The following AIMP2 variants were observed in gnomAD, a reference collection of about 807,000 sequenced individuals.
AIMP2 encodes the protein aminoacyl tRNA synthetase complex interacting multifunctional protein 2, also known as aminoacyl tRNA synthase complex-interacting multifunctional protein 2.
In AIMP2, 20 loss-of-function variants were observed where a neutral mutation model predicts 23.4. The ratio of observed to expected loss-of-function variants is 0.85; its 90% confidence interval spans 0.60 to 1.24. The LOEUF (loss-of-function observed/expected upper bound fraction) is 1.24, where lower values mean the gene tolerates loss of function less well. AIMP2 is among the 50% of genes most tolerant of loss of function. AIMP2 has a pLI of 0.00. For synonymous variants in AIMP2, 210 were observed against 170.4 expected (o/e 1.23, Z -1.81); for missense variants, 515 against 414.5 (o/e 1.24, Z -2.10).
chr7:6,009,974 A>AAAATATACATATATAT lies in AIMP2; in HGVS notation c.135+477_135+478insAATATACATATATATA. 1.5e-4 allele frequency among the ~76,000 whole-genome samples: 4 copies of AAAATATACATATATAT among 26,664 alleles called. 1 individual carries two copies. Among genetic ancestry groups the AAAATATACATATATAT allele is most frequent in the Non-Finnish European group, 2.7e-4 (4 of 14,646 alleles). 17.5% of individuals were successfully genotyped at this position (26,664 alleles called of 152,430 possible). On this transcript the variant is annotated intron_variant, in intron 1 of 3. Transcript: ENST00000223029. ...CAAAAAAAAAAAAAAAAAAAAAAAA[A>AAAATATACATATATAT]ATATATATATATATATATGTATGTA...
chr7:6,020,347 G>C (rs572259868), intron 3 of AIMP2, among the ~76,000 whole-genome samples: 1 of 150,662 alleles, frequency 6.6e-6, no homozygotes, highest in Admixed American at 6.6e-5. Flanking sequence ...CTTGAACCCA[G>C]GAAGTGGAGG....
chr7:6,017,788 C>T (rs779780507), intron 2 of AIMP2, 26 bp from the exon 3 acceptor site: 16 of 1,595,074 alleles, frequency 1.0e-5, no homozygotes, highest in Non-Finnish European at 1.4e-5. Context: ...GACTGTTATT[C>T]GTACATTGTC....
At chr7:6,017,313 C>G (rs74219302) in intron 2 of AIMP2, among the ~76,000 whole-genome samples, 3 of 151,244 alleles carry the variant, frequency 2.0e-5, no homozygotes, top group Admixed American at 6.6e-5. Flanking sequence ...GTCAGGAGTT[C>G]GAGAACAGCC....
chr7:6,013,956 C>T (rs570506845), intron 1 of AIMP2, among the ~76,000 whole-genome samples: 1 of 141,576 alleles, frequency 7.1e-6, no homozygotes, highest in South Asian at 2.2e-4. Flanking sequence ...GTCTCCAGGA[C>T]AAAAAAAAAA....
At position 6,019,262 on chromosome 7, in the gene AIMP2, G is replaced by C. The variant is rs527960623; in HGVS notation, c.574+1217G>C. 4.8e-5 allele frequency among the ~76,000 whole-genome samples: 7 copies of C among 144,440 alleles called. No homozygotes were observed. In the South Asian group the frequency reaches 1.5e-3, roughly 30 times the overall value. The allele number at this position is 144,440 out of a possible 152,430, so 94.8% of individuals were successfully genotyped here. On this transcript the variant is annotated intron_variant, in intron 3 of 3. Coordinates refer to ENST00000223029, the MANE Select transcript of AIMP2 (RefSeq NM_006303.4). ...TGGGAGGCCGAGGCGGGCAGATCAC[G>C]AGGTCAGGATATCGAGACCATCCTG... is the stretch of plus-strand genomic sequence containing the variant.
chr7:6,010,759 A>G (rs12702467), intron 1 of AIMP2, among the ~76,000 whole-genome samples: 42,715 of 151,030 alleles, frequency 0.28, 6,607 homozygotes, highest in African/African-American at 0.4. Flanking sequence ...CCTAAACAAT[A>G]GTCTTCATAT....
At chr7:6,011,314 C>G (rs1786674593) in intron 1 of AIMP2, among the ~76,000 whole-genome samples, 1 of 152,198 alleles carries the variant, frequency 6.6e-6, no homozygotes, top group African/African-American at 2.4e-5. Context: ...CTGATGTTTG[C>G]ACCCTGCCCA....
intron 2 of AIMP2, among the ~76,000 whole-genome samples, chr7:6,017,377 G>T (rs961998973): frequency 2.6e-5 from 4 of 151,858 alleles, no homozygotes; most frequent in Admixed American, 2.0e-4. Flanking sequence ...AAAAAAATTA[G>T]CTGGGCATGG....
intron 2 of AIMP2, among the ~76,000 whole-genome samples, chr7:6,017,400 G>T (rs1055035020): frequency 2.0e-5 from 3 of 151,854 alleles, no homozygotes; most frequent in Admixed American, 6.6e-5. Flanking sequence ...ACAGGCACCT[G>T]TAGTCCCAGC....
intron 1 of AIMP2, 69 bp downstream of exon 1, chr7:6,009,567 G>A: frequency 1.5e-6 from 2 of 1,338,828 alleles, no homozygotes; most frequent in South Asian, 3.9e-5. Flanking sequence ...GTCCCCCCAG[G>A]CCGGAGCGAG....
rs1205730394 is a variant in AIMP2 at position 6,009,484 on chromosome 7, G to T, written c.121G>T (p.Ala41Ser). The change falls in exon 1 of 4, where the codon GCT becomes TCT. Residue 41 changes from alanine to serine, a missense_variant. Physicochemically the swap from Ala to Ser is moderately conservative, Grantham distance 99 (BLOSUM62 1). Transcript: ENST00000223029. ...HGRSYGPAPG[A>S]GHVQEESNLS... ...CAGGAGCTACGGCCCAGCGCCGGGC[G>T]CTGGCCACGTGCAGGTAGGAGCGCG... is the stretch of plus-strand genomic sequence containing the variant. The T allele has an allele frequency of 6.4e-7, 1 of 1,573,050 alleles. No homozygotes were observed. Among genetic ancestry groups the T allele is most frequent in the African/African-American group, 1.4e-5 (1 of 72,238 alleles).
chr7:6,011,866 T>G (rs1205041585), intron 1 of AIMP2, among the ~76,000 whole-genome samples: 1 of 152,158 alleles, frequency 6.6e-6, no homozygotes, highest in East Asian at 1.9e-4. Flanking sequence ...CTGCCTAACT[T>G]CTTTTGGGTT....
intron 3 of AIMP2, among the ~76,000 whole-genome samples, chr7:6,019,326 A>G (rs1018889740): frequency 2.1e-5 from 3 of 141,474 alleles, no homozygotes; most frequent in Admixed American, 1.4e-4. Flanking sequence ...AAAAAATACA[A>G]AAAAAAAAAT....
At chr7:6,015,703 G>A (rs745997811) in intron 2 of AIMP2, among the ~76,000 whole-genome samples, 3 of 152,352 alleles carry the variant, frequency 2.0e-5, no homozygotes, top group East Asian at 1.9e-4. Flanking sequence ...CAGCCTGGGC[G>A]ACAGAGCGAG....
At chr7:6,021,662 T>A (rs1345800898) in intron 3 of AIMP2, among the ~76,000 whole-genome samples, 5 of 152,080 alleles carry the variant, frequency 3.3e-5, no homozygotes, top group Non-Finnish European at 4.4e-5. Flanking sequence ...GAGAAGTGCT[T>A]CCAAACCAGT....
chr7:6,018,436 C>T (rs909307232), intron 3 of AIMP2, among the ~76,000 whole-genome samples: 10 of 151,574 alleles, frequency 6.6e-5, no homozygotes, highest in Non-Finnish European at 2.9e-5. Flanking sequence ...GCGTGAGCCA[C>T]CAGGCCCGGG....
At position 6,021,095 on chromosome 7, in the gene AIMP2, G is replaced by GC. The variant is rs959721048; in HGVS notation, c.575-2204dup. Among the ~76,000 whole-genome samples, 136 of 152,082 alleles carry GC rather than the reference G, an allele frequency of 8.9e-4. 5 individuals are homozygous for GC. The highest frequency in any genetic ancestry group is 3.3e-4 in the Admixed American group (5 of 15,250). ...TTCTTCAATGCTGCAGGCACTCAGA[G>GC]CCCCACGAGTTAACACCAAGGGCGT... On this transcript the variant is annotated intron_variant, in intron 3 of 3. Coordinates refer to ENST00000223029, the MANE Select transcript of AIMP2 (RefSeq NM_006303.4).
At chr7:6,012,726 AT>A (rs2128876788) in intron 1 of AIMP2, 2 of 660,848 alleles carry the variant, frequency 3.0e-6, no homozygotes, top group Non-Finnish European at 2.2e-6. Context: ...AGCCCAGCTA[AT>A]TTTTGTGTTT....
chr7:6,012,233 A>G (rs1482693518), intron 1 of AIMP2, among the ~76,000 whole-genome samples: 4 of 151,256 alleles, frequency 2.6e-5, no homozygotes, highest in South Asian at 2.1e-4. Flanking sequence ...AGCATGGGCA[A>G]CAGAGTAAAA....
Sources: gnomAD v4.1 joint callset for allele counts (sites outside exome capture counted in the v4.1 genomes callset) on GRCh38, gnomAD v4.1.1 for gene constraint, MANE v1.5 for transcripts, NCBI Gene and HGNC (gene_info 2026-07-23, HGNC 2026-07-21) for gene names.